TMC7: variants seen among roughly 807,000 people sequenced by gnomAD.
TMC7 encodes the protein transmembrane channel-like protein 7.
Under a neutral mutation model 82.9 loss-of-function variants are expected in TMC7, and 54 were observed. The ratio of observed to expected loss-of-function variants is 0.65; its 90% CI spans 0.52 to 0.82. TMC7 has a LOEUF of 0.82. TMC7 is among the 40% of genes least tolerant of loss of function. The pLI, the probability that TMC7 is intolerant of heterozygous loss-of-function variation, is 0.00. For missense variants in TMC7, 820 were observed against 901.2 expected, an observed-to-expected ratio of 0.91 and a Z score of 1.15; for synonymous variants, 350 against 337.9, an observed-to-expected ratio of 1.04 and a Z score of -0.39.
chr16:19,023,006 C>T (rs781120496), intron 4 of TMC7, 107 bp from the exon 5 acceptor site: 44 of 602,364 alleles, frequency 7.3e-5, no homozygotes, highest in Non-Finnish European at 1.2e-4. Flanking sequence ...GATGACAGAG[C>T]GAGACTCCAT....
At chr16:18,996,197 G>A (rs1408130024) in intron 1 of TMC7, among the ~76,000 whole-genome samples, 1 of 152,074 alleles carries the variant, frequency 6.6e-6, no homozygotes, top group African/African-American at 2.4e-5. Context: ...GGCCTGGCGA[G>A]GAGCAGCCTG....
rs1440287046 is a variant in TMC7 at position 19,063,274 on chromosome 16, T to G, written c.*1431T>G. The stretch of plus-strand genomic sequence containing the variant: ...TCTCACTTAAAAAAATAAATTCTGC[T>G]GGGCACAGTGGCTCATGCCTGCAAT... On this transcript the variant is annotated 3_prime_UTR_variant, in exon 16 of 16. Transcript: ENST00000304381. 1 of 152,134 alleles carries G rather than the reference T, an allele frequency of 6.6e-6. No individual in the cohort carries two copies. The highest frequency in any genetic ancestry group is 1.9e-4 in the East Asian group (1 of 5,200). The allele number at this position is 152,134 out of a possible 1,614,324, so 9.4% of individuals were successfully genotyped here.
At chr16:19,045,560 C>A in intron 11 of TMC7, 122 bp downstream of exon 11, 3 of 650,984 alleles carry the variant, frequency 4.6e-6, no homozygotes, top group Non-Finnish European at 8.2e-6. Flanking sequence ...GATGACTCTA[C>A]AGCCCTGGAA....
At chr16:18,986,536 C>T (rs1433453028) in intron 1 of TMC7, among the ~76,000 whole-genome samples, 1 of 152,044 alleles carries the variant, frequency 6.6e-6, no homozygotes, top group Admixed American at 6.6e-5. Flanking sequence ...GCCTGGGTGA[C>T]AGAGCTAGAC....
intron 1 of TMC7, among the ~76,000 whole-genome samples, chr16:18,991,854 T>C (rs1332047769): frequency 6.6e-6 from 1 of 152,182 alleles, no homozygotes; most frequent in Admixed American, 6.5e-5. Context: ...TTTGTCCTTG[T>C]TTGTTTGCTC....
At chr16:19,049,078 C>G (rs1353948229) in intron 12 of TMC7, among the ~76,000 whole-genome samples, 1 of 152,066 alleles carries the variant, frequency 6.6e-6, no homozygotes, top group African/African-American at 2.4e-5. Flanking sequence ...AGTTGGAGTG[C>G]CGTGGCGTGA....
chr16:18,993,274 G>A (rs1440508481), intron 1 of TMC7, among the ~76,000 whole-genome samples: 1 of 152,192 alleles, frequency 6.6e-6, no homozygotes, highest in South Asian at 2.1e-4. Context: ...CCAAGAGGGA[G>A]TCAAGAGTGG....
intron 1 of TMC7, among the ~76,000 whole-genome samples, chr16:19,006,263 C>T (rs932417805): frequency 2.0e-5 from 3 of 151,440 alleles, no homozygotes; most frequent in Non-Finnish European, 2.9e-5. Context: ...TGCAATGGCA[C>T]GATCTCGGCT....
chr16:19,019,308 C>A (rs1959855848), intron 3 of TMC7, among the ~76,000 whole-genome samples: 1 of 152,206 alleles, frequency 6.6e-6, no homozygotes, highest in Non-Finnish European at 1.5e-5. Flanking sequence ...AATTGGCAAT[C>A]TATCCAATGA....
chr16:19,061,986 T>C lies in TMC7; in HGVS notation c.*143T>C. On this transcript the variant is annotated 3_prime_UTR_variant, in exon 16 of 16. Transcript: ENST00000304381. ...GTTTAGGCTTTTCCATATGTGCAGC[T>C]GTGTTTACCTAACCCAGCCCTTAAT... is the stretch of plus-strand genomic sequence containing the variant. 3.6e-6 allele frequency: 2 copies of C among 562,838 alleles called. No homozygotes were observed. The highest frequency in any genetic ancestry group is 2.8e-4 in the Middle Eastern group (1 of 3,596). 34.9% of individuals were successfully genotyped at this position (562,838 alleles called of 1,614,324 possible).
At chr16:19,022,629 G>A (rs1465240236) in intron 4 of TMC7, among the ~76,000 whole-genome samples, 3 of 152,218 alleles carry the variant, frequency 2.0e-5, no homozygotes, top group Non-Finnish European at 4.4e-5. Context: ...AGTCCACTCC[G>A]TGATGTTCGC....
At chr16:19,043,267 C>A (rs1356486615) in intron 9 of TMC7, among the ~76,000 whole-genome samples, 1 of 152,084 alleles carries the variant, frequency 6.6e-6, no homozygotes, top group Admixed American at 6.6e-5. Context: ...TTTCAGCATG[C>A]CAGACATCCC....
intron 12 of TMC7, chr16:19,049,463 C>A (rs1218482990): frequency 5.4e-6 from 1 of 184,512 alleles, no homozygotes; most frequent in African/African-American, 2.4e-5. Flanking sequence ...GTAAGCAAGG[C>A]CCTGAATTGG....
rs1962059629 is a variant in TMC7, at chr16:19,062,750, T to G, written c.*907T>G. The G allele has an allele frequency of 6.5e-6, 1 of 152,680 alleles. No homozygotes were observed. Among genetic ancestry groups the G allele is most frequent in the Non-Finnish European group, 1.5e-5 (1 of 68,054 alleles). The allele number at this position is 152,680 out of a possible 1,614,324, so 9.5% of individuals were successfully genotyped here. A position where few individuals can be genotyped will look rare whatever the true frequency, so the allele number is the denominator to read the frequency against. On this transcript the variant is annotated 3_prime_UTR_variant, in exon 16 of 16. Coordinates refer to ENST00000304381, the MANE Select transcript of TMC7 (RefSeq NM_024847.4). ...ACCTTTTAACAGAAGAACAGAAGTTTAAGTTATTGTTTAATGTAATCAGTT... is the reference window on the plus strand; with the variant it reads ...ACCTTTTAACAGAAGAACAGAAGTTGAAGTTATTGTTTAATGTAATCAGTT...
intron 4 of TMC7, among the ~76,000 whole-genome samples, chr16:19,022,767 G>A (rs1352322951): frequency 6.6e-6 from 1 of 152,216 alleles, no homozygotes; most frequent in Non-Finnish European, 1.5e-5. Flanking sequence ...GGGGGCTCAC[G>A]CCTGTAATCC....
intron 5 of TMC7, among the ~76,000 whole-genome samples, chr16:19,023,803 A>T (rs552480146): frequency 7.2e-5 from 11 of 152,316 alleles, no homozygotes; most frequent in Admixed American, 5.9e-4. Flanking sequence ...CCCCACAGAA[A>T]GAAGCTTCAG....
intron 7 of TMC7, 92 bp downstream of exon 7, chr16:19,035,915 T>C (rs1960726178): frequency 6.2e-6 from 9 of 1,445,060 alleles, no homozygotes; most frequent in Admixed American, 2.5e-5. Context: ...GGATCAAGGG[T>C]CGGGGACAGG....
rs369503949 is a variant in TMC7, at chr16:19,021,611, C to T, written c.461-18C>T. 4.3e-6 allele frequency: 7 copies of T among 1,613,172 alleles called. No individual in the cohort carries two copies. Among genetic ancestry groups the T allele is most frequent in the South Asian group, 2.2e-5 (2 of 90,958 alleles). The stretch of plus-strand genomic sequence containing the variant: ...ATCAATATCCCTGGTCAGTGATGTC[C>T]GGGTTTGTTTTTTCCAGGGAAATTT... On this transcript the variant is annotated intron_variant, in intron 3 of 15. Coordinates refer to ENST00000304381, the MANE Select transcript of TMC7 (RefSeq NM_024847.4).
chr16:19,030,420 T>C, intron 6 of TMC7, 51 bp downstream of exon 6: 1 of 1,562,322 alleles, frequency 6.4e-7, no homozygotes, highest in Non-Finnish European at 8.6e-7. Flanking sequence ...GGCTGGAGGC[T>C]ATTGGAGATA....
Sources: gnomAD v4.1 joint callset for allele counts (sites outside exome capture counted in the v4.1 genomes callset) on GRCh38, gnomAD v4.1.1 for gene constraint, MANE v1.5 for transcripts, NCBI Gene and HGNC (gene_info 2026-07-23, HGNC 2026-07-21) for gene names.